WASF2: variants seen among roughly 807,000 people sequenced by gnomAD.
The protein encoded by WASF2 is WASP family member 2.
A neutral mutation model predicts 45.0 loss-of-function variants in WASF2; 14 were observed. That is an observed-to-expected ratio of 0.31 (90% CI 0.21 to 0.49). The LOEUF (loss-of-function observed/expected upper bound fraction) is 0.49, where lower values mean the gene tolerates loss of function less well. WASF2 is among the 20% of genes least tolerant of loss of function. The pLI is 0.99. For synonymous variants in WASF2, 200 were observed against 236.3 expected (o/e 0.85, Z 1.41); for missense variants, 439 against 636.1 (o/e 0.69, Z 3.33).
In WASF2 at chr1:27,410,408, A is replaced by G. The variant is rs1384025079; in HGVS notation, c.825-202T>C. ...CTTTTAAGGTAATGAGCTTCCCACC[A>G]GTAGAGGAGGATAGACAGATTGAGT... On this transcript the variant is annotated intron_variant, in intron 7 of 8. Transcript: ENST00000618852. This position sits in a 1 kb window ranked among gnomAD's most constrained non-coding sequence, Gnocchi z 4.2. 1.3e-5 allele frequency among the ~76,000 whole-genome samples: 2 copies of G among 152,204 alleles called. No individual in the cohort carries two copies. Among genetic ancestry groups the G allele is most frequent in the Non-Finnish European group, 2.9e-5 (2 of 68,046 alleles).
At chr1:27,465,065 C>T (rs1351319019) in intron 1 of WASF2, among the ~76,000 whole-genome samples, 3 of 152,286 alleles carry the variant, frequency 2.0e-5, no homozygotes, top group East Asian at 1.9e-4. Flanking sequence ...CTTTTAAAGA[C>T]GCAAGGAAAC....
chr1:27,435,058 T>C (rs1297990161), intron 1 of WASF2, among the ~76,000 whole-genome samples: 2 of 152,170 alleles, frequency 1.3e-5, no homozygotes, highest in South Asian at 2.1e-4. Flanking sequence ...GCAATTCTCC[T>C]GCCTCAGCCT....
intron 1 of WASF2, among the ~76,000 whole-genome samples, chr1:27,432,832 T>C (rs992199130): frequency 6.6e-6 from 1 of 152,046 alleles, no homozygotes; most frequent in Non-Finnish European, 1.5e-5. Context: ...GGCATGATCA[T>C]AGCTCACTGC....
intron 2 of WASF2, among the ~76,000 whole-genome samples, chr1:27,422,765 G>A (rs138882524): frequency 6.6e-6 from 1 of 152,116 alleles, no homozygotes; most frequent in East Asian, 1.9e-4. Flanking sequence ...TTACCATAAG[G>A]ATTAAGTGAG....
At chr1:27,412,749 AAAACTGTCATTT>A (rs2016781548) in intron 6 of WASF2, 22 bp from the exon 7 acceptor site, 6 of 1,613,624 alleles carry the variant, frequency 3.7e-6, no homozygotes, top group African/African-American at 2.7e-5. Context: ...CCGAATGCCA[AAAACTGTCATTT>A]AAAGAGCCTG....
intron 1 of WASF2, among the ~76,000 whole-genome samples, chr1:27,472,260 TGTG>T (rs200732027): frequency 4.3e-4 from 63 of 148,054 alleles, no homozygotes; most frequent in African/African-American, 1.4e-3. Context: ...AGGAGACTGA[TGTG>T]GTGGTAAGCT....
intron 1 of WASF2, among the ~76,000 whole-genome samples, chr1:27,488,376 T>C (rs2017976125): frequency 6.6e-6 from 1 of 152,116 alleles, no homozygotes; most frequent in Non-Finnish European, 1.5e-5. Context: ...TAATCAGAGG[T>C]GGGCTATTGA....
At position 27,441,924 on chromosome 1, in the gene WASF2, CA is replaced by C. The variant is rs1223064988; in HGVS notation, c.-43-12992del. Among the ~76,000 whole-genome samples, 639 of 66,392 alleles carry C rather than the reference CA, an allele frequency of 9.6e-3. 4 individuals are homozygous for C. Among genetic ancestry groups the C allele is most frequent in the African/African-American group, 0.027 (487 of 18,182 alleles). The allele number at this position is 66,392 out of a possible 152,430, so 43.6% of individuals were successfully genotyped here. On this transcript the variant is annotated intron_variant, in intron 1 of 8. Coordinates refer to ENST00000618852, the MANE Select transcript of WASF2 (RefSeq NM_006990.5). Reference sequence around the variant, plus strand: ...CTGGCGACACAACGAGACTCCATCTCAAAAAAAAAAAAAAAAAGAAAGAAAG... The same window carrying C: ...CTGGCGACACAACGAGACTCCATCTCAAAAAAAAAAAAAAAAGAAAGAAAG...
intron 1 of WASF2, among the ~76,000 whole-genome samples, chr1:27,473,287 T>C (rs2017717708): frequency 6.6e-6 from 1 of 151,718 alleles, no homozygotes; most frequent in African/African-American, 2.4e-5. Flanking sequence ...AAGACCATCC[T>C]GGCTAACATG....
chr1:27,444,358 G>A (rs1048146017), intron 1 of WASF2, among the ~76,000 whole-genome samples: 1 of 152,182 alleles, frequency 6.6e-6, no homozygotes, highest in Non-Finnish European at 1.5e-5. Flanking sequence ...GGGATTACAG[G>A]CGTAAACCAC....
chr1:27,453,142 T>C (rs1380588660), intron 1 of WASF2, among the ~76,000 whole-genome samples: 1 of 151,390 alleles, frequency 6.6e-6, no homozygotes, highest in African/African-American at 2.4e-5. Context: ...ACGAGGCAGG[T>C]TGCAGTGAGC....
At chr1:27,479,424 T>C (rs2017815784) in intron 1 of WASF2, among the ~76,000 whole-genome samples, 1 of 152,206 alleles carries the variant, frequency 6.6e-6, no homozygotes, top group African/African-American at 2.4e-5. Flanking sequence ...CTCATCTCTA[T>C]TTTATTATTT....
At chr1:27,433,953 A>G (rs1352470978) in intron 1 of WASF2, among the ~76,000 whole-genome samples, 2 of 152,220 alleles carry the variant, frequency 1.3e-5, no homozygotes, top group Non-Finnish European at 2.9e-5. Context: ...GAATCTGTGA[A>G]GGTCTTTTTC....
chr1:27,477,249 T>C (rs935764798), intron 1 of WASF2, among the ~76,000 whole-genome samples: 3 of 152,176 alleles, frequency 2.0e-5, no homozygotes, highest in Non-Finnish European at 2.9e-5. Flanking sequence ...TTTTTAAATG[T>C]CTTTTTAAGG....
chr1:27,486,150 G>GTATT (rs10679353), intron 1 of WASF2, among the ~76,000 whole-genome samples: 35,978 of 151,900 alleles, frequency 0.24, 7,135 homozygotes, highest in African/African-American at 0.54. Flanking sequence ...TGACAGTACA[G>GTATT]TATTTATCCC....
chr1:27,419,185 C>CACAT (rs2016868378), intron 2 of WASF2, 97 bp from the exon 3 acceptor site: 10 of 1,371,256 alleles, frequency 7.3e-6, no homozygotes, highest in East Asian at 6.9e-5. Context: ...AACCCCCAAA[C>CACAT]ACATACATAT....
In WASF2 at chr1:27,441,614, C is replaced by A. The variant is rs536620078; in HGVS notation, c.-43-12681G>T. Among the ~76,000 whole-genome samples the A allele has an allele frequency of 3.9e-5, 6 of 152,126 alleles. No homozygotes were observed. In the South Asian group the frequency reaches 1.3e-3, roughly 32 times the overall value. ...TAAAAATACAAAAAAATTAGCCGGG[C>A]GTGGTGGCGGGCGCCTGTAGTCCCA... On this transcript the variant is annotated intron_variant, in intron 1 of 8. Transcript: ENST00000618852.
intron 1 of WASF2, among the ~76,000 whole-genome samples, chr1:27,467,476 A>AT (rs1020488296): frequency 4.7e-5 from 7 of 149,698 alleles, no homozygotes; most frequent in East Asian, 2.0e-4. Context: ...AACTTTTTGG[A>AT]TTTTTTAGTA....
In WASF2 at chr1:27,450,098, C is replaced by T. The variant is rs892906328; in HGVS notation, c.-43-21165G>A. Among the ~76,000 whole-genome samples, 12 of 151,922 alleles carry T rather than the reference C, an allele frequency of 7.9e-5. No individual in the cohort carries two copies. The East Asian group carries it at 2.1e-3, about 27-fold the overall frequency. Reference sequence around the variant, plus strand: ...AGCAGAGGTTGCGGTGAGTGGAGATCACGCCATTGCACTCCAGCCCGGGCA... The same window carrying T: ...AGCAGAGGTTGCGGTGAGTGGAGATTACGCCATTGCACTCCAGCCCGGGCA... On this transcript the variant is annotated intron_variant, in intron 1 of 8. Coordinates refer to ENST00000618852, the MANE Select transcript of WASF2 (RefSeq NM_006990.5).
Sources: gnomAD v4.1 joint callset for allele counts (sites outside exome capture counted in the v4.1 genomes callset) on GRCh38, gnomAD v4.1.1 for gene constraint, Gnocchi (gnomAD v3.1) non-coding constraint, MANE v1.5 for transcripts, NCBI Gene and HGNC (gene_info 2026-07-23, HGNC 2026-07-21) for gene names.